GPN1: variants seen among roughly 807,000 people sequenced by gnomAD.
GPN1 encodes ATP(GTP)-binding protein.
Under a neutral mutation model 55.9 loss-of-function variants are expected in GPN1, and 44 were observed. The observed-to-expected ratio is 0.79, with a 90% confidence interval of 0.62 to 1.01. The LOEUF (loss-of-function observed/expected upper bound fraction) is 1.01. Ranked by LOEUF, GPN1 falls within the 50% of genes least tolerant of loss-of-function variation. GPN1 has a pLI of 0.00. For synonymous variants in GPN1, 179 were observed against 162.5 expected (o/e 1.10, Z -0.77); for missense variants, 466 against 462.8 (o/e 1.01, Z -0.06).
At chr2:27,631,715 G>A in intron 3 of GPN1, 119 bp from the exon 4 acceptor site, 1 of 730,806 alleles carries the variant, frequency 1.4e-6, no homozygotes. Flanking sequence ...CAAGGATTAG[G>A]TTGCCAGTAT....
intron 1 of GPN1, among the ~76,000 whole-genome samples, chr2:27,629,616 A>T (rs1325848181): frequency 6.6e-6 from 1 of 152,048 alleles, no homozygotes. Context: ...GATAGAGAAA[A>T]CCCACATACG....
At chr2:27,636,654 T>C (rs1673743295) in intron 7 of GPN1, among the ~76,000 whole-genome samples, 1 of 152,066 alleles carries the variant, frequency 6.6e-6, no homozygotes, top group South Asian at 2.1e-4. Context: ...TTTGTATTTT[T>C]AGTAGAGTCG....
At chr2:27,647,712 G>C in intron 12 of GPN1, 124 bp from the exon 13 acceptor site, 1 of 634,284 alleles carries the variant, frequency 1.6e-6, no homozygotes, top group Non-Finnish European at 2.9e-6. Context: ...TTTAGAAGAG[G>C]TAAGATCCTG....
chr2:27,649,702 G>C (rs1363568156), intron 13 of GPN1, among the ~76,000 whole-genome samples: 6 of 152,162 alleles, frequency 3.9e-5, no homozygotes, highest in Admixed American at 3.9e-4. Flanking sequence ...GTATCAGTAT[G>C]TTCTTTTTTA....
At chr2:27,629,455 T>A (rs1673443096) in intron 1 of GPN1, 2 of 1,505,712 alleles carry the variant, frequency 1.3e-6, no homozygotes, top group Non-Finnish European at 1.8e-6. Context: ...AAGTTACAAG[T>A]AACTTTAAAG....
At chr2:27,641,509 A>C (rs978473306) in intron 11 of GPN1, among the ~76,000 whole-genome samples, 1 of 152,138 alleles carries the variant, frequency 6.6e-6, no homozygotes, top group Non-Finnish European at 1.5e-5. Flanking sequence ...TGGGTGCGGA[A>C]AGTCTCCTTA....
Position 27,629,080 on chromosome 2 carries a change from G to A in GPN1, c.22G>A (p.Ala8Thr), listed in dbSNP as rs772359643. Residue 8 changes from alanine to threonine, a missense_variant, in exon 1 of 14, where the codon GCT becomes ACT. Ala to Thr is a moderately conservative substitution (Grantham distance 58). Coordinates refer to ENST00000610189, the MANE Select transcript of GPN1 (RefSeq NM_007266.4). ...GAAGATGGCGGCGTCCGCAGCTGCCGCTGAGCTCCAGGCTTCTGGGGGTCC... is the reference window on the plus strand; with the variant it reads ...GAAGATGGCGGCGTCCGCAGCTGCCACTGAGCTCCAGGCTTCTGGGGGTCC... The part of the protein sequence containing the change: MAASAAA[A>T]ELQASGGPRH... 13 of 1,614,122 alleles carry A rather than the reference G, an allele frequency of 8.1e-6. No homozygotes were observed. The highest frequency in any genetic ancestry group is 1.1e-5 in the Non-Finnish European group (13 of 1,180,044).
intron 9 of GPN1, 26 bp from the exon 10 acceptor site, chr2:27,640,017 G>C: frequency 1.4e-6 from 2 of 1,412,074 alleles, no homozygotes; most frequent in Non-Finnish European, 2.0e-6. Context: ...GGTTTCTTTA[G>C]TGGCATTTAT....
chr2:27,629,742 AT>A (rs1673455379), intron 1 of GPN1, 116 bp from the exon 2 acceptor site: 1 of 677,526 alleles, frequency 1.5e-6, no homozygotes. Flanking sequence ...CATGGTGGAT[AT>A]TTCAGGTAGA....
At chr2:27,630,388 T>G (rs1216557710) in intron 2 of GPN1, among the ~76,000 whole-genome samples, 3 of 36,182 alleles carry the variant, frequency 8.3e-5, no homozygotes, top group African/African-American at 2.6e-4. Context: ...CAGCTTAGGT[T>G]TTTTTTTTTT....
At chr2:27,642,622 G>A (rs1558490649) in intron 12 of GPN1, 103 bp downstream of exon 12, 3 of 732,656 alleles carry the variant, frequency 4.1e-6, no homozygotes, top group Non-Finnish European at 7.0e-6. Flanking sequence ...TGTTGCCCAG[G>A]CTGGAGTCTC....
intron 10 of GPN1, 59 bp downstream of exon 10, chr2:27,640,184 A>C (rs182096216): frequency 8.8e-7 from 1 of 1,136,330 alleles, no homozygotes; most frequent in African/African-American, 1.5e-5. Context: ...TTCTGATATG[A>C]AAGCAGTTTT....
At chr2:27,630,012 G>C in intron 2 of GPN1, 60 bp downstream of exon 2, 2 of 963,442 alleles carry the variant, frequency 2.1e-6, no homozygotes, top group East Asian at 2.4e-5. Context: ...AAAAGGCCAG[G>C]CGTGGTGGCT....
chr2:27,628,964 C>A (rs1238845791), upstream of GPN1: 1 of 1,573,854 alleles, frequency 6.4e-7, no homozygotes, highest in South Asian at 1.2e-5. Flanking sequence ...TCCTTTCTGA[C>A]GCTGTGGTGG....
chr2:27,641,299 G>C lies in GPN1; in HGVS notation c.840+20G>C. ...TCACTGGTAAGAAGGGAGGCTGTTTGTATATTTTAAAAGGGCCATTAAAAA... is the reference window on the plus strand; with the variant it reads ...TCACTGGTAAGAAGGGAGGCTGTTTCTATATTTTAAAAGGGCCATTAAAAA... On this transcript the variant is annotated intron_variant, in intron 11 of 13. Coordinates refer to ENST00000610189, the MANE Select transcript of GPN1 (RefSeq NM_007266.4). 1 of 1,580,476 alleles carries C rather than the reference G, an allele frequency of 6.3e-7. No individual in the cohort carries two copies. Among genetic ancestry groups the C allele is most frequent in the Non-Finnish European group, 8.7e-7 (1 of 1,150,256 alleles).
upstream of GPN1, chr2:27,628,739 G>T: frequency 1.3e-6 from 2 of 1,549,826 alleles, no homozygotes; most frequent in Non-Finnish European, 8.7e-7. Flanking sequence ...TTCTTGCTGT[G>T]TGAGCCCTGC....
Position 27,634,914 on chromosome 2 carries a change from C to T in GPN1, c.419C>T (p.Thr140Ile), listed in dbSNP as rs567282738. ...FTWSASGTIITEALASSFPTV... is the reference protein window; with the variant it reads ...FTWSASGTIIIEALASSFPTV... ...TGGTCAGCTTCTGGGACAATTATCA[C>T]TGAAGCCCTTGTGAGTATTCTAGGA... Residue 140 changes from threonine to isoleucine, a missense_variant, in exon 6 of 14, where the codon ACT becomes ATT. By Grantham distance (89) the Thr-to-Ile change is moderately conservative. Transcript: ENST00000610189. 12 of 1,588,742 alleles carry T rather than the reference C, an allele frequency of 7.6e-6. No homozygotes were observed. The South Asian group carries it at 1.2e-4, about 16-fold the overall frequency.
intron 12 of GPN1, 84 bp from the exon 13 acceptor site, chr2:27,647,752 C>T: frequency 1.3e-6 from 1 of 783,488 alleles, no homozygotes; most frequent in South Asian, 1.5e-5. Flanking sequence ...CACTTTCATC[C>T]TGCCAGTTTA....
chr2:27,628,287 G>T, upstream of GPN1: 3 of 1,061,598 alleles, frequency 2.8e-6, no homozygotes, highest in Non-Finnish European at 4.0e-6. Context: ...CAGACTGGGT[G>T]GTCAGGAGTA....
Sources: gnomAD v4.1 joint callset for allele counts (sites outside exome capture counted in the v4.1 genomes callset) on GRCh38, gnomAD v4.1.1 for gene constraint, MANE v1.5 for transcripts, NCBI Gene and HGNC (gene_info 2026-07-23, HGNC 2026-07-21) for gene names.